Variants in PLAGL1 observed in about 807,000 individuals in gnomAD.
PLAGL1 encodes the protein PLAG1 like zinc finger 1.
In PLAGL1, 1 loss-of-function variant was observed where a neutral mutation model predicts 4.6. The ratio of observed to expected loss-of-function variants is 0.22; its 90% CI spans 0.08 to 1.03. The LOEUF (loss-of-function observed/expected upper bound fraction) is 1.03, where lower values mean the gene tolerates loss of function less well. Among genes scored for constraint, PLAGL1 ranks in the 50% least tolerant of loss-of-function variants. PLAGL1 has a pLI of 0.58. For synonymous variants in PLAGL1, 240 were observed against 237.8 expected (o/e 1.01, Z -0.08); for missense variants, 464 against 570.4 (o/e 0.81, Z 1.90).
rs1554263920 is a variant in PLAGL1 at position 143,985,982 on chromosome 6, T to TAATATATATATATATA, written c.-583-809_-583-808insTATATATATATATATT. ...TATATCAAATTATATATATATAAAA[T>TAATATATATATATATA]TATATATATATATATATATATATAT... is the stretch of plus-strand genomic sequence containing the variant. On this transcript the variant is annotated intron_variant, in intron 1 of 7. Transcript: ENST00000674357. This position sits in a 1 kb window ranked among gnomAD's most constrained non-coding sequence, Gnocchi z 4.4. Among the ~76,000 whole-genome samples, 1 of 111,576 alleles carries TAATATATATATATATA rather than the reference T, an allele frequency of 9.0e-6. No individual in the cohort carries two copies. Among genetic ancestry groups the TAATATATATATATATA allele is most frequent in the Non-Finnish European group, 1.8e-5 (1 of 55,360 alleles). The allele number at this position is 111,576 out of a possible 152,430, so 73.2% of individuals were successfully genotyped here.
rs924370527 is a variant in PLAGL1, at chr6:144,016,062, A to C, written c.-150-47084T>G. Among the ~76,000 whole-genome samples the C allele has an allele frequency of 6.6e-6, 1 of 152,200 alleles. No homozygotes were observed. The highest frequency in any genetic ancestry group is 1.5e-5 in the Non-Finnish European group (1 of 68,036). ...GGAGTCAAAGAAATCATATTGTATT[A>C]GTCAGGGTTCTCTAGAGGGACAGAA... On this transcript the variant is annotated intron_variant, in intron 1 of 3. Transcript: ENST00000437412. This position sits in a 1 kb window ranked among gnomAD's most constrained non-coding sequence, Gnocchi z 4.2.
chr6:143,977,273 C>T (rs1413960702), intron 2 of PLAGL1, among the ~76,000 whole-genome samples: 1 of 152,012 alleles, frequency 6.6e-6, no homozygotes, highest in East Asian at 1.9e-4. Context: ...ATTATAACAT[C>T]ATACAGAGAA....
rs922313255 is a variant in PLAGL1 at position 143,995,855 on chromosome 6, T to C, written c.-583-10681A>G. 9.2e-5 allele frequency among the ~76,000 whole-genome samples: 14 copies of C among 152,186 alleles called. No homozygotes were observed. The highest frequency in any genetic ancestry group is 1.8e-4 in the Non-Finnish European group (12 of 68,038). ...TGTTTCAAAGCCCAGTAATAATAAG[T>C]ATTTCCATAAAATACCTACATTACT... On this transcript the variant is annotated intron_variant, in intron 1 of 7. Transcript: ENST00000674357. This position sits in a 1 kb window ranked among gnomAD's most constrained non-coding sequence, Gnocchi z 4.4.
At position 143,990,448 on chromosome 6, in the gene PLAGL1, C is replaced by T. The variant is rs1790225169; in HGVS notation, c.-583-5274G>A. On this transcript the variant is annotated intron_variant, in intron 1 of 7. Coordinates refer to ENST00000674357, the MANE Select transcript of PLAGL1 (RefSeq NM_001317162.2). This position sits in a 1 kb window ranked among gnomAD's most constrained non-coding sequence, Gnocchi z 5.4. ...TTCCTCAATTTTTAAAGAACAAAAC[C>T]TTCATTGACCTCCTGGTCCCACTAT... Among the ~76,000 whole-genome samples, 2 of 152,072 alleles carry T rather than the reference C, an allele frequency of 1.3e-5. No homozygotes were observed. The highest frequency in any genetic ancestry group is 4.2e-4 in the South Asian group (2 of 4,818).
chr6:144,018,439 A>G lies in PLAGL1; in HGVS notation c.-151+46029T>C, dbSNP rs569315990. ...GGACACAAAGTTTCAGTAAGGAGGAATAAGTTCAAGATTTCCAGTGTACAC... is the reference window on the plus strand; with the variant it reads ...GGACACAAAGTTTCAGTAAGGAGGAGTAAGTTCAAGATTTCCAGTGTACAC... On this transcript the variant is annotated intron_variant, in intron 1 of 3. Coordinates refer to the PLAGL1 transcript ENST00000437412. Among the ~76,000 whole-genome samples the G allele has an allele frequency of 3.3e-5, 5 of 152,298 alleles. No individual in the cohort carries two copies. The South Asian group carries it at 8.3e-4, about 25-fold the overall frequency.
rs192498716 is a variant in PLAGL1, at chr6:144,021,163, G to A, written c.-151+43305C>T. 1.4e-4 allele frequency among the ~76,000 whole-genome samples: 22 copies of A among 152,062 alleles called. No homozygotes were observed. In the East Asian group the frequency reaches 3.1e-3, roughly 21 times the overall value. The stretch of plus-strand genomic sequence containing the variant: ...GTAGAGCACAGAAACAGAACTAAAC[G>A]GGTAAGAGGTCAAACCTATGCGGTT... On this transcript the variant is annotated intron_variant, in intron 1 of 3. Coordinates refer to the PLAGL1 transcript ENST00000437412.
At position 143,979,987 on chromosome 6, in the gene PLAGL1, C is replaced by A. The variant is rs1382244336; in HGVS notation, c.-544+5148G>T. ...TCACCTTTTTTGAAAGATATTGTCA[C>A]AACTATAGATTTCTAGATTAACAGT... On this transcript the variant is annotated intron_variant, in intron 2 of 7. Coordinates refer to ENST00000674357, the MANE Select transcript of PLAGL1 (RefSeq NM_001317162.2). This position sits in a 1 kb window ranked among gnomAD's most constrained non-coding sequence, Gnocchi z 4.6. 6.6e-6 allele frequency among the ~76,000 whole-genome samples: 1 copy of A among 152,106 alleles called. No homozygotes were observed. The highest frequency in any genetic ancestry group is 2.4e-5 in the African/African-American group (1 of 41,452).
At chr6:144,028,610 G>A (rs928503325) in intron 1 of PLAGL1, among the ~76,000 whole-genome samples, 1 of 152,198 alleles carries the variant, frequency 6.6e-6, no homozygotes, top group African/African-American at 2.4e-5. Context: ...ATACATAAAA[G>A]AGTACATTCC....
chr6:144,029,623 C>A (rs1269111727), intron 1 of PLAGL1, among the ~76,000 whole-genome samples: 1 of 152,174 alleles, frequency 6.6e-6, no homozygotes, highest in African/African-American at 2.4e-5. Flanking sequence ...GGCAATGATT[C>A]AAAAATCTTA....
intron 2 of PLAGL1, among the ~76,000 whole-genome samples, chr6:143,977,368 C>T (rs548610230): frequency 6.6e-6 from 1 of 151,296 alleles, no homozygotes; most frequent in South Asian, 2.1e-4. Flanking sequence ...CCTTTTGAGA[C>T]TGGCTTCTTT....
chr6:144,050,097 T>C lies in PLAGL1; in HGVS notation c.-151+14371A>G, dbSNP rs1419069666. ...TGAATGAAGTAGGAGAGTAGTTATT[T>C]TTCATGAAAGCAAGTAAGGGTGCTT... On this transcript the variant is annotated intron_variant, in intron 1 of 3. Coordinates refer to the PLAGL1 transcript ENST00000437412. The surrounding 1 kb of genome is among the most constrained non-coding windows in gnomAD (Gnocchi z 4.3). Among the ~76,000 whole-genome samples the C allele has an allele frequency of 1.3e-5, 2 of 152,150 alleles. No individual in the cohort carries two copies.
rs1335040658 is a variant in PLAGL1, at chr6:144,061,658, AG to A, written c.-151+2809del. Among the ~76,000 whole-genome samples the A allele has an allele frequency of 2.0e-5, 3 of 152,286 alleles. No individual in the cohort carries two copies. Among genetic ancestry groups the A allele is most frequent in the Non-Finnish European group, 2.9e-5 (2 of 68,020 alleles). On this transcript the variant is annotated intron_variant, in intron 1 of 3. Coordinates refer to the PLAGL1 transcript ENST00000437412. The surrounding 1 kb of genome is among the most constrained non-coding windows in gnomAD (Gnocchi z 4.4). ...TAACTTTAAAACTACAAATCTATAC[AG>A]TTTTATTAAAATGTATATGAAAAAA...
Position 143,963,829 on chromosome 6 carries a change from T to C in PLAGL1, c.-399+958A>G, listed in dbSNP as rs1347060034. On this transcript the variant is annotated intron_variant, in intron 5 of 7. Transcript: ENST00000674357. The surrounding 1 kb of genome is among the most constrained non-coding windows in gnomAD (Gnocchi z 6.1). ...TTTTATTAGGGCCTCCAAATCAGCATAGCACAACAACTCCAGAATTTTACT... is the reference window on the plus strand; with the variant it reads ...TTTTATTAGGGCCTCCAAATCAGCACAGCACAACAACTCCAGAATTTTACT... 6.6e-6 allele frequency among the ~76,000 whole-genome samples: 1 copy of C among 152,236 alleles called. No individual in the cohort carries two copies. The highest frequency in any genetic ancestry group is 2.4e-5 in the African/African-American group (1 of 41,464).
rs919551540 is a variant in PLAGL1 at position 143,964,929 on chromosome 6, A to G, written c.-430-111T>C. ...GGGGGGGAACGGAAGTCTACTTGGA[A>G]GAGGAAAGAGAGCAGCTGGTGCTGC... is the stretch of plus-strand genomic sequence containing the variant. On this transcript the variant is annotated intron_variant, in intron 4 of 7. Transcript: ENST00000674357. This position sits in a 1 kb window ranked among gnomAD's most constrained non-coding sequence, Gnocchi z 4.3. 6.6e-6 allele frequency: 1 copy of G among 152,212 alleles called. No homozygotes were observed. The highest frequency in any genetic ancestry group is 1.5e-5 in the Non-Finnish European group (1 of 68,084). 9.4% of individuals were successfully genotyped at this position (152,212 alleles called of 1,614,324 possible). A position where few individuals can be genotyped will look rare whatever the true frequency, so the allele number is the denominator to read the frequency against.
rs1350254759 is a variant in PLAGL1 at position 144,048,274 on chromosome 6, G to A, written c.-151+16194C>T. ...TCCAGGTGCACAGTGCAAGCTGTCA[G>A]TGGATCTAGCATTCTGGGATCTGGA... On this transcript the variant is annotated intron_variant, in intron 1 of 3. Transcript: ENST00000437412. The surrounding 1 kb of genome is among the most constrained non-coding windows in gnomAD (Gnocchi z 4.8). 6.6e-6 allele frequency among the ~76,000 whole-genome samples: 1 copy of A among 152,160 alleles called. No individual in the cohort carries two copies. Among genetic ancestry groups the A allele is most frequent in the Non-Finnish European group, 1.5e-5 (1 of 68,030 alleles).
chr6:143,949,650 TA>T lies in PLAGL1; in HGVS notation c.-324-1191del, dbSNP rs1562397153. 6.6e-6 allele frequency among the ~76,000 whole-genome samples: 1 copy of T among 152,086 alleles called. No homozygotes were observed. The highest frequency in any genetic ancestry group is 1.5e-5 in the Non-Finnish European group (1 of 68,022). On this transcript the variant is annotated intron_variant, in intron 6 of 7. Coordinates refer to ENST00000674357, the MANE Select transcript of PLAGL1 (RefSeq NM_001317162.2). The surrounding 1 kb of genome is among the most constrained non-coding windows in gnomAD (Gnocchi z 5.3). ...TGCTCACCTTTCAAGTGCCAATACT[TA>T]AAAAAATTAAGAGTACTGTATGCTT...
At position 144,028,797 on chromosome 6, in the gene PLAGL1, A is replaced by G. The variant is rs182713780; in HGVS notation, c.-151+35671T>C. ...TGCTTGTTATCTACGTGCTGGGACT[A>G]CAATATCATCCATGATGCTGTATTT... is the stretch of plus-strand genomic sequence containing the variant. On this transcript the variant is annotated intron_variant, in intron 1 of 3. Transcript: ENST00000437412. Among the ~76,000 whole-genome samples, 14 of 152,366 alleles carry G rather than the reference A, an allele frequency of 9.2e-5. No individual in the cohort carries two copies. The East Asian group carries it at 1.7e-3, about 19-fold the overall frequency.
At chr6:143,943,050 T>TTTTTTTTTTTTTA (rs1562373964) in intron 7 of PLAGL1, among the ~76,000 whole-genome samples, 1 of 147,328 alleles carries the variant, frequency 6.8e-6, no homozygotes, top group Admixed American at 6.8e-5. Context: ...TTTTTTTTTT[T>TTTTTTTTTTTTTA]GAGACAAGGT....
rs150015075 is a variant in PLAGL1 at position 143,950,181 on chromosome 6, T to G, written c.-324-1721A>C. 2.4e-3 allele frequency among the ~76,000 whole-genome samples: 370 copies of G among 151,978 alleles called. 3 individuals carry two copies. The highest frequency in any genetic ancestry group is 8.6e-3 in the African/African-American group (357 of 41,420). On this transcript the variant is annotated intron_variant, in intron 6 of 7. Coordinates refer to ENST00000674357, the MANE Select transcript of PLAGL1 (RefSeq NM_001317162.2). The surrounding 1 kb of genome is among the most constrained non-coding windows in gnomAD (Gnocchi z 6.3). ...ATCCAAACCAGGGGACACACAGGAG[T>G]CCTCGGCCAGCACCTTGGCACCACA...
Sources: gnomAD v4.1 joint callset for allele counts (sites outside exome capture counted in the v4.1 genomes callset) on GRCh38, gnomAD v4.1.1 for gene constraint, Gnocchi (gnomAD v3.1) non-coding constraint, MANE v1.5 for transcripts, NCBI Gene and HGNC (gene_info 2026-07-23, HGNC 2026-07-21) for gene names.